Variants in LMCD1 observed in about 807,000 individuals in gnomAD.
LMCD1 encodes the protein LIM and cysteine rich domains 1.
In LMCD1, 32 loss-of-function variants were observed where a neutral mutation model predicts 42.7. The ratio of observed to expected loss-of-function variants is 0.75; its 90% CI spans 0.57 to 1.01. The LOEUF (loss-of-function observed/expected upper bound fraction) is 1.01. LMCD1 is among the 50% of genes least tolerant of loss of function. LMCD1 has a pLI of 0.00. For synonymous variants in LMCD1, 178 were observed against 184.9 expected, an observed-to-expected ratio of 0.96 and a Z score of 0.30; for missense variants, 458 against 483.1, an observed-to-expected ratio of 0.95 and a Z score of 0.49.
intron 1 of LMCD1, among the ~76,000 whole-genome samples, chr3:8,504,441 G>C (rs1309414953): frequency 6.6e-6 from 1 of 152,224 alleles, no homozygotes; most frequent in South Asian, 2.1e-4. Flanking sequence ...AATGAGAAAT[G>C]GTTTAAAATG....
chr3:8,502,888 G>A lies in LMCD1; in HGVS notation c.42+908G>A, dbSNP rs532294245. On this transcript the variant is annotated intron_variant, in intron 1 of 5. Coordinates refer to ENST00000157600, the MANE Select transcript of LMCD1 (RefSeq NM_014583.4). ...AGAGACAACCTAGGCTTTACAGATCGGGAAACTGAGGCCCGGGGTCACAGA... is the reference window on the plus strand; with the variant it reads ...AGAGACAACCTAGGCTTTACAGATCAGGAAACTGAGGCCCGGGGTCACAGA... Among the ~76,000 whole-genome samples, 15 of 152,228 alleles carry A rather than the reference G, an allele frequency of 9.9e-5. No homozygotes were observed. The South Asian group carries it at 1.5e-3, about 15-fold the overall frequency.
intron 4 of LMCD1, among the ~76,000 whole-genome samples, chr3:8,551,737 G>C (rs1043712550): frequency 4.6e-5 from 7 of 152,182 alleles, no homozygotes; most frequent in Admixed American, 4.6e-4. Flanking sequence ...AGTGGGTGTG[G>C]GCTGCACTCC....
chr3:8,517,047 T>C (rs1272018463), intron 1 of LMCD1, among the ~76,000 whole-genome samples: 1 of 152,196 alleles, frequency 6.6e-6, no homozygotes, highest in Non-Finnish European at 1.5e-5. Flanking sequence ...CCAGAGGGAT[T>C]AAGTCCCATG....
chr3:8,552,843 C>T (rs1487432014), intron 4 of LMCD1, among the ~76,000 whole-genome samples: 1 of 152,166 alleles, frequency 6.6e-6, no homozygotes. Context: ...CCTGCCTCAG[C>T]CTTCCGAGTA....
intron 3 of LMCD1, among the ~76,000 whole-genome samples, chr3:8,548,280 C>A (rs1218973465): frequency 3.9e-5 from 6 of 152,136 alleles, no homozygotes; most frequent in African/African-American, 1.2e-4. Flanking sequence ...ACAGAACACT[C>A]CCTACATACA....
chr3:8,551,081 T>G, intron 4 of LMCD1: 1 of 985,420 alleles, frequency 1.0e-6, no homozygotes, highest in Non-Finnish European at 1.2e-6. Flanking sequence ...AAGGAAGCCT[T>G]TATTGGTTGG....
At chr3:8,527,876 C>T (rs1442553025) in intron 1 of LMCD1, among the ~76,000 whole-genome samples, 2 of 152,032 alleles carry the variant, frequency 1.3e-5, no homozygotes, top group Admixed American at 6.5e-5. Flanking sequence ...GATATTTAGG[C>T]CAGTTTAAAA....
rs1158790294 is a variant in LMCD1 at position 8,517,291 on chromosome 3, C to A, written c.42+15311C>A. ...TTATTTAAAATATTGTATAAAATTA[C>A]CCCCCAAGTTGTGTGTATAATGTGT... On this transcript the variant is annotated intron_variant, in intron 1 of 5. Transcript: ENST00000157600. Among the ~76,000 whole-genome samples, 4 of 152,160 alleles carry A rather than the reference C, an allele frequency of 2.6e-5. No individual in the cohort carries two copies. The East Asian group carries it at 7.7e-4, about 29-fold the overall frequency.
At chr3:8,541,773 C>T (rs186883551) in intron 3 of LMCD1, among the ~76,000 whole-genome samples, 4 of 152,124 alleles carry the variant, frequency 2.6e-5, no homozygotes, top group Admixed American at 6.5e-5. Context: ...TCGTTGACTC[C>T]GGCCCAAACC....
chr3:8,533,772 C>T (rs1227455794), intron 2 of LMCD1, among the ~76,000 whole-genome samples: 2 of 152,104 alleles, frequency 1.3e-5, no homozygotes, highest in East Asian at 1.9e-4. Flanking sequence ...GCAACAACTA[C>T]CAGATGGCAG....
chr3:8,509,173 CT>C (rs1693944727), intron 1 of LMCD1, among the ~76,000 whole-genome samples: 1 of 152,180 alleles, frequency 6.6e-6, no homozygotes, highest in African/African-American at 2.4e-5. Context: ...TGGATACCCC[CT>C]CTCATCAGCA....
chr3:8,556,043 CTT>C (rs1236419342), intron 4 of LMCD1, among the ~76,000 whole-genome samples: 2 of 152,164 alleles, frequency 1.3e-5, no homozygotes, highest in African/African-American at 2.4e-5. Context: ...TTATTAATCT[CTT>C]TGGTTTTACT....
At chr3:8,508,314 C>T (rs1229065053) in intron 1 of LMCD1, among the ~76,000 whole-genome samples, 1 of 152,032 alleles carries the variant, frequency 6.6e-6, no homozygotes, top group Non-Finnish European at 1.5e-5. Flanking sequence ...ATGACCAAGC[C>T]AAACATGGCC....
At chr3:8,513,411 A>T (rs959239927) in intron 1 of LMCD1, among the ~76,000 whole-genome samples, 10 of 151,978 alleles carry the variant, frequency 6.6e-5, no homozygotes, top group African/African-American at 2.2e-4. Context: ...TCCTGTCCTC[A>T]CTCAGGTGGG....
At chr3:8,522,875 A>C (rs1323498228) in intron 1 of LMCD1, among the ~76,000 whole-genome samples, 1 of 152,240 alleles carries the variant, frequency 6.6e-6, no homozygotes, top group Non-Finnish European at 1.5e-5. Flanking sequence ...TCTTTCATTC[A>C]GCATTTGCTT....
chr3:8,556,624 C>T (rs146127066), intron 4 of LMCD1, among the ~76,000 whole-genome samples: 1,844 of 152,278 alleles, frequency 0.012, 10 homozygotes, highest in Middle Eastern at 0.017. Context: ...AGCACCCACG[C>T]AGTTCTAAGC....
chr3:8,506,676 A>G (rs760414474), intron 1 of LMCD1, among the ~76,000 whole-genome samples: 1 of 152,224 alleles, frequency 6.6e-6, no homozygotes, highest in Non-Finnish European at 1.5e-5. Flanking sequence ...TAAGTAACAG[A>G]CCTTGAGAGC....
intron 3 of LMCD1, among the ~76,000 whole-genome samples, chr3:8,539,599 G>GA (rs1694578692): frequency 6.6e-6 from 1 of 152,084 alleles, no homozygotes; most frequent in South Asian, 2.1e-4. Context: ...GGGCTTCAGG[G>GA]ACCGGCTGGT....
intron 4 of LMCD1, chr3:8,551,243 A>G (rs1350729852): frequency 1.0e-6 from 1 of 984,128 alleles, no homozygotes; most frequent in African/African-American, 1.7e-5. Context: ...TGATATACAT[A>G]GCCATTGCTC....
Sources: allele counts gnomAD v4.1 joint callset (sites outside exome capture counted in the v4.1 genomes callset), GRCh38; gene constraint gnomAD v4.1.1; transcripts MANE v1.5; gene names NCBI Gene and HGNC (gene_info 2026-07-23, HGNC 2026-07-21).